Variants in COL5A1 observed in about 807,000 individuals in gnomAD.
COL5A1 encodes collagen type V alpha 1 chain.
Under a neutral mutation model 263.7 loss-of-function variants are expected in COL5A1, and 16 were observed. The ratio of observed to expected loss-of-function variants is 0.06; its 90% CI spans 0.04 to 0.09. COL5A1 has a LOEUF of 0.09. COL5A1 is among the 10% of genes least tolerant of loss of function. COL5A1 has a pLI of 1.00. For missense variants in COL5A1, 2,036 were observed against 2,540.5 expected, an observed-to-expected ratio of 0.80 and a Z score of 4.27; for synonymous variants, 1,012 against 1,004.5, an observed-to-expected ratio of 1.01 and a Z score of -0.14.
At chr9:134,760,718 TACAC>T (rs1203593835) in intron 18 of COL5A1, among the ~76,000 whole-genome samples, 2 of 78,344 alleles carry the variant, frequency 2.6e-5, no homozygotes, top group East Asian at 4.9e-4. Context: ...CACACACCCA[TACAC>T]ACATGCACAC....
chr9:134,761,601 G>C (rs1229371342), intron 18 of COL5A1, among the ~76,000 whole-genome samples: 1 of 152,336 alleles, frequency 6.6e-6, no homozygotes, highest in East Asian at 1.9e-4. Context: ...TTCACCTGGA[G>C]CACTTGGGCT....
In COL5A1 at chr9:134,738,654, AC is replaced by A. The variant is rs1395534344; in HGVS notation, c.1432-87del. The A allele has an allele frequency of 5.8e-6, 8 of 1,374,596 alleles. No homozygotes were observed. In the Admixed American group the frequency reaches 1.0e-4, roughly 17 times the overall value. The allele number at this position is 1,374,596 out of a possible 1,614,324, so 85.1% of individuals were successfully genotyped here. A position where few individuals can be genotyped will look rare whatever the true frequency, so the allele number is the denominator to read the frequency against. On this transcript the variant is annotated intron_variant, in intron 10 of 65. Transcript: ENST00000371817. ...ATCCCCTGGGAGCCGGCGCTATCCCACCCCCACCTCTGCCTTGGTTGGCCAG... is the reference window on the plus strand; with the variant it reads ...ATCCCCTGGGAGCCGGCGCTATCCCACCCCACCTCTGCCTTGGTTGGCCAG...
At chr9:134,650,536 G>A (rs562286508) in intron 1 of COL5A1, among the ~76,000 whole-genome samples, 57 of 152,336 alleles carry the variant, frequency 3.7e-4, no homozygotes, top group Middle Eastern at 3.4e-3. Context: ...CCGCTGCGGC[G>A]GGGGAGTCAG....
rs141323458 is a variant in COL5A1 at position 134,755,494 on chromosome 9, G to C, written c.1827+1168G>C. Among the ~76,000 whole-genome samples the C allele has an allele frequency of 5.9e-5, 9 of 152,338 alleles. No homozygotes were observed. Among genetic ancestry groups the C allele is most frequent in the African/African-American group, 2.2e-4 (9 of 41,580 alleles). ...GCTGCAGAAGAAAAGATGGTGGTGA[G>C]AGAGGGGCTTGGAGCTGAGGGGTCG... On this transcript the variant is annotated intron_variant, in intron 16 of 65. Transcript: ENST00000371817. This position sits in a 1 kb window ranked among gnomAD's most constrained non-coding sequence, Gnocchi z 4.1.
Position 134,806,177 on chromosome 9 carries a change from G to C in COL5A1, c.3259-12G>C. Reference sequence around the variant, plus strand: ...AGCCTTTGAAGCAGACTGTTTTCTTGCTCCACCTCAGGGATCTCCAGGGGA... The same window carrying C: ...AGCCTTTGAAGCAGACTGTTTTCTTCCTCCACCTCAGGGATCTCCAGGGGA... On this transcript the variant is annotated splice_polypyrimidine_tract_variant and intron_variant, in intron 41 of 65. Coordinates refer to ENST00000371817, the MANE Select transcript of COL5A1 (RefSeq NM_000093.5). The C allele has an allele frequency of 1.3e-6, 2 of 1,544,284 alleles. No homozygotes were observed. The highest frequency in any genetic ancestry group is 1.2e-5 in the South Asian group (1 of 83,928).
chr9:134,804,438 G>A (rs143276685), intron 39 of COL5A1, among the ~76,000 whole-genome samples: 41 of 152,310 alleles, frequency 2.7e-4, no homozygotes, highest in African/African-American at 8.2e-4. Flanking sequence ...TTAGGACGAT[G>A]CTTTTAATGC....
chr9:134,793,725 C>T (rs953483648), intron 32 of COL5A1, among the ~76,000 whole-genome samples: 6 of 152,146 alleles, frequency 3.9e-5, no homozygotes, highest in Non-Finnish European at 8.8e-5. Context: ...TCAGGTTGGC[C>T]GTGGGCATCC....
chr9:134,732,378 C>T, intron 9 of COL5A1: 3 of 604,514 alleles, frequency 5.0e-6, no homozygotes, highest in South Asian at 3.8e-5. Context: ...GCCGGTCCTG[C>T]ACCCAAGCTC....
chr9:134,717,932 A>C (rs1050454911), intron 4 of COL5A1, among the ~76,000 whole-genome samples: 4 of 151,992 alleles, frequency 2.6e-5, no homozygotes, highest in African/African-American at 4.8e-5. Flanking sequence ...TGAAAGGAGG[A>C]GTGCATGATT....
At chr9:134,748,544 T>C (rs1372386974) in intron 11 of COL5A1, among the ~76,000 whole-genome samples, 1 of 152,256 alleles carries the variant, frequency 6.6e-6, no homozygotes, top group East Asian at 1.9e-4. Context: ...TGTAAGTGGC[T>C]ATGAGGATTG....
At chr9:134,772,105 C>T (rs1445285224) in intron 25 of COL5A1, among the ~76,000 whole-genome samples, 2 of 152,174 alleles carry the variant, frequency 1.3e-5, no homozygotes, top group Non-Finnish European at 2.9e-5. Flanking sequence ...TCGCTCAGCT[C>T]CCCTCCATCC....
intron 11 of COL5A1, among the ~76,000 whole-genome samples, chr9:134,748,297 A>G (rs1588500130): frequency 6.6e-6 from 1 of 152,200 alleles, no homozygotes; most frequent in African/African-American, 2.4e-5. Context: ...GCACATGCAC[A>G]CACACATGCA....
In COL5A1 at chr9:134,818,990, C is replaced by T. The variant is rs1838884422; in HGVS notation, c.4393-10C>T. 2 of 1,613,392 alleles carry T rather than the reference C, an allele frequency of 1.2e-6. No individual in the cohort carries two copies. Among genetic ancestry groups the T allele is most frequent in the African/African-American group, 1.3e-5 (1 of 74,938 alleles). On this transcript the variant is annotated splice_polypyrimidine_tract_variant and intron_variant, in intron 56 of 65. Transcript: ENST00000371817. This position sits in a 1 kb window ranked among gnomAD's most constrained non-coding sequence, Gnocchi z 6.0. ...GATGAGGACTCTGATCCCCCTGCCTCCTCCCACAGGGTCCCCCAGGACTTC... is the reference window on the plus strand; with the variant it reads ...GATGAGGACTCTGATCCCCCTGCCTTCTCCCACAGGGTCCCCCAGGACTTC...
Position 134,679,776 on chromosome 9 carries a change from C to T in COL5A1, c.110-11136C>T, listed in dbSNP as rs183397338. Among the ~76,000 whole-genome samples the T allele has an allele frequency of 1.2e-3, 182 of 146,842 alleles. 1 individual carries two copies. Among genetic ancestry groups the T allele is most frequent in the Middle Eastern group, 6.9e-3 (2 of 290 alleles). The stretch of plus-strand genomic sequence containing the variant: ...ACTGTGGGGCTGGTTGGGGGCACTG[C>T]GGAGGTGCCCCGGTGCTCTCCGGTG... On this transcript the variant is annotated intron_variant, in intron 1 of 65. Transcript: ENST00000371817.
rs371370739 is a variant in COL5A1 at position 134,742,995 on chromosome 9, C to T, written c.1494+4187C>T. 3.9e-5 allele frequency among the ~76,000 whole-genome samples: 6 copies of T among 152,186 alleles called. No homozygotes were observed. Among genetic ancestry groups the T allele is most frequent in the East Asian group, 1.9e-4 (1 of 5,180 alleles). ...ACCTGCTAGCCTCGATAGAAACACC[C>T]GGAAGGCAGGCGCCACCTCTGTGCT... is the stretch of plus-strand genomic sequence containing the variant. On this transcript the variant is annotated intron_variant, in intron 11 of 65. Transcript: ENST00000371817. The surrounding 1 kb of genome is among the most constrained non-coding windows in gnomAD (Gnocchi z 4.6).
intron 32 of COL5A1, among the ~76,000 whole-genome samples, chr9:134,792,995 C>T (rs1837771405): frequency 6.6e-6 from 1 of 152,150 alleles, no homozygotes; most frequent in African/African-American, 2.4e-5. Context: ...CTGGTCCTAC[C>T]TTCTGCAGAG....
In COL5A1 at chr9:134,647,038, T is replaced by C. The variant is rs1831498161; in HGVS notation, c.109+4742T>C. Among the ~76,000 whole-genome samples the C allele has an allele frequency of 6.6e-6, 1 of 152,206 alleles. No homozygotes were observed. The highest frequency in any genetic ancestry group is 2.1e-4 in the South Asian group (1 of 4,830). ...AGGCTGCCTGACCTGTACTCGGCACTGGCTGTGTGGGGACGTTACCATCGC... is the reference window on the plus strand; with the variant it reads ...AGGCTGCCTGACCTGTACTCGGCACCGGCTGTGTGGGGACGTTACCATCGC... On this transcript the variant is annotated intron_variant, in intron 1 of 65. Transcript: ENST00000371817. This position sits in a 1 kb window ranked among gnomAD's most constrained non-coding sequence, Gnocchi z 5.0.
chr9:134,772,866 G>A (rs1372476444), intron 26 of COL5A1, 32 bp downstream of exon 26: 1 of 1,611,000 alleles, frequency 6.2e-7, no homozygotes, highest in Non-Finnish European at 8.5e-7. Flanking sequence ...CTACCCTTCA[G>A]CATCCAGGTG....
chr9:134,819,948 C>T lies in COL5A1; in HGVS notation c.4447-168C>T, dbSNP rs145741439. Among the ~76,000 whole-genome samples the T allele has an allele frequency of 7.0e-3, 1,062 of 152,332 alleles. 10 individuals are homozygous for T. Among genetic ancestry groups the T allele is most frequent in the Middle Eastern group, 0.014 (4 of 294 alleles). ...CAGCGAAGGGCCACCTCGGACCTGC[C>T]GTTTCGTCACCTGGCCCCTCTGTTG... On this transcript the variant is annotated intron_variant, in intron 57 of 65. Coordinates refer to ENST00000371817, the MANE Select transcript of COL5A1 (RefSeq NM_000093.5).
Sources: allele counts gnomAD v4.1 joint callset (sites outside exome capture counted in the v4.1 genomes callset), GRCh38; gene constraint gnomAD v4.1.1; non-coding constraint Gnocchi (gnomAD v3.1); transcripts MANE v1.5; gene names NCBI Gene and HGNC (gene_info 2026-07-23, HGNC 2026-07-21).